The following RALGPS2 variants were observed in gnomAD, a reference collection of about 807,000 sequenced individuals.
The protein encoded by RALGPS2 is ras-specific guanine nucleotide-releasing factor RalGPS2.
In RALGPS2, 43 loss-of-function variants were observed where a neutral mutation model predicts 86.8. The ratio of observed to expected loss-of-function variants is 0.50; its 90% CI spans 0.39 to 0.64. The LOEUF is 0.64. Among genes scored for constraint, RALGPS2 ranks in the 30% least tolerant of loss-of-function variants. The probability of loss-of-function intolerance (pLI) is 0.00; values close to 1 mark genes in which losing one functional copy is unlikely to be tolerated. For synonymous variants in RALGPS2, 243 were observed against 231.3 expected, an observed-to-expected ratio of 1.05 and a Z score of -0.46; for missense variants, 536 against 694.6, an observed-to-expected ratio of 0.77 and a Z score of 2.57.
chr1:178,799,366 A>C (rs1322681932), intron 4 of RALGPS2, among the ~76,000 whole-genome samples: 2 of 151,534 alleles, frequency 1.3e-5, no homozygotes, highest in Non-Finnish European at 2.9e-5. Flanking sequence ...AAAGTGTCCT[A>C]CTCTGGAAAA....
In RALGPS2 at chr1:178,788,828, G is replaced by C. The variant is rs202101615; in HGVS notation, c.213+3221G>C. 4.4e-3 allele frequency among the ~76,000 whole-genome samples: 544 copies of C among 122,382 alleles called. 1 individual carries two copies. The highest frequency in any genetic ancestry group is 0.015 in the African/African-American group (484 of 31,552). 80.3% of individuals were successfully genotyped at this position (122,382 alleles called of 152,430 possible). Reference sequence around the variant, plus strand: ...TCTTTCTTTTCTTTTCTTTTCTTTTGTTTTCTTTCTTTCTTTCTTTTCTTT... The same window carrying C: ...TCTTTCTTTTCTTTTCTTTTCTTTTCTTTTCTTTCTTTCTTTCTTTTCTTT... On this transcript the variant is annotated intron_variant, in intron 4 of 19. Coordinates refer to ENST00000367635, the MANE Select transcript of RALGPS2 (RefSeq NM_152663.5).
At chr1:178,860,124 A>G (rs931215470) in intron 8 of RALGPS2, among the ~76,000 whole-genome samples, 5 of 152,070 alleles carry the variant, frequency 3.3e-5, no homozygotes, top group Non-Finnish European at 7.4e-5. Context: ...AACTTTCTCC[A>G]CTCAGCTCTC....
At chr1:178,842,862 C>CAA (rs1656659540) in intron 8 of RALGPS2, among the ~76,000 whole-genome samples, 1 of 147,386 alleles carries the variant, frequency 6.8e-6, no homozygotes, top group Non-Finnish European at 1.5e-5. Context: ...AGACACTTCT[C>CAA]AAAAGAAGAC....
At chr1:178,879,251 T>A (rs1452764207) in intron 10 of RALGPS2, 2 of 300,478 alleles carry the variant, frequency 6.7e-6, no homozygotes, top group Non-Finnish European at 1.1e-5. Flanking sequence ...TAATTTAAAT[T>A]TCTTCCTTTC....
intron 13 of RALGPS2, among the ~76,000 whole-genome samples, chr1:178,887,906 G>A (rs898324974): frequency 1.3e-5 from 2 of 152,072 alleles, no homozygotes; most frequent in African/African-American, 2.4e-5. Context: ...TTTTCTACAC[G>A]TCCATGGAAT....
At chr1:178,911,181 T>C (rs948165321) in intron 19 of RALGPS2, among the ~76,000 whole-genome samples, 2 of 151,050 alleles carry the variant, frequency 1.3e-5, no homozygotes, top group African/African-American at 2.5e-5. Context: ...TCTATCGATC[T>C]TGTTTTTTCT....
intron 1 of RALGPS2, among the ~76,000 whole-genome samples, chr1:178,773,795 C>CAA (rs35536351): frequency 3.7e-5 from 4 of 108,760 alleles, no homozygotes; most frequent in Admixed American, 9.8e-5. Context: ...GACTCCGTCT[C>CAA]AAAAAAAAAA....
intron 4 of RALGPS2, among the ~76,000 whole-genome samples, chr1:178,792,458 T>C (rs1653999885): frequency 6.6e-6 from 1 of 152,176 alleles, no homozygotes; most frequent in African/African-American, 2.4e-5. Context: ...TGAAGCATAT[T>C]TATTGAAAGA....
chr1:178,761,892 G>A (rs1439675207), intron 1 of RALGPS2, among the ~76,000 whole-genome samples: 2 of 152,008 alleles, frequency 1.3e-5, no homozygotes, highest in South Asian at 2.1e-4. Context: ...TTTAGGGTCC[G>A]GGGTATTTGT....
At chr1:178,769,774 C>T (rs1652694215) in intron 1 of RALGPS2, among the ~76,000 whole-genome samples, 1 of 152,184 alleles carries the variant, frequency 6.6e-6, no homozygotes, top group South Asian at 2.1e-4. Context: ...TGGGGGAAAG[C>T]ACAGTTCCAA....
intron 7 of RALGPS2, among the ~76,000 whole-genome samples, chr1:178,826,534 G>A (rs1011497504): frequency 6.6e-6 from 1 of 152,126 alleles, no homozygotes. Context: ...AATCTAGATT[G>A]ATGGTTGCCA....
intron 8 of RALGPS2, chr1:178,851,362 T>A (rs1391254044): frequency 6.6e-7 from 1 of 1,513,776 alleles, no homozygotes; most frequent in Non-Finnish European, 8.9e-7. Flanking sequence ...TTCTTCTAGG[T>A]GTGGTACTCT....
In RALGPS2 at chr1:178,810,366, A is replaced by T. The variant is rs1654918598; in HGVS notation, c.298-949A>T. Among the ~76,000 whole-genome samples the T allele has an allele frequency of 2.0e-5, 3 of 152,160 alleles. No individual in the cohort carries two copies. The South Asian group carries it at 6.2e-4, about 32-fold the overall frequency. On this transcript the variant is annotated intron_variant, in intron 5 of 19. Coordinates refer to ENST00000367635, the MANE Select transcript of RALGPS2 (RefSeq NM_152663.5). ...CACCCCACTACACTCCAGCCTGGGC[A>T]ACAGAACAAGACTCTGTCTCCAAAA...
chr1:178,816,967 C>G (rs1655260191), intron 6 of RALGPS2, among the ~76,000 whole-genome samples: 1 of 151,966 alleles, frequency 6.6e-6, no homozygotes, highest in African/African-American at 2.4e-5. Context: ...CTCGGCATCC[C>G]AAAGTCCTGG....
intron 7 of RALGPS2, among the ~76,000 whole-genome samples, chr1:178,832,480 G>C (rs1035349748): frequency 7.9e-5 from 12 of 152,114 alleles, no homozygotes; most frequent in African/African-American, 2.9e-4. Context: ...GTGGGTAACA[G>C]AGAGTATTAT....
intron 1 of RALGPS2, among the ~76,000 whole-genome samples, chr1:178,728,261 A>G: frequency 6.6e-6 from 1 of 152,164 alleles, no homozygotes; most frequent in East Asian, 1.9e-4. Flanking sequence ...CTGTGAGTGA[A>G]CCAATTCCTT....
At chr1:178,882,592 A>G (rs1340951596) in intron 10 of RALGPS2, among the ~76,000 whole-genome samples, 1 of 152,222 alleles carries the variant, frequency 6.6e-6, no homozygotes, top group Non-Finnish European at 1.5e-5. Flanking sequence ...AATTTTAGTC[A>G]GTAGAATACT....
chr1:178,797,461 T>G (rs937807890), intron 4 of RALGPS2, among the ~76,000 whole-genome samples: 7 of 152,164 alleles, frequency 4.6e-5, no homozygotes, highest in African/African-American at 1.7e-4. Context: ...CGGTGCAATT[T>G]TAGCTTCATA....
At chr1:178,817,039 G>A (rs1212795904) in intron 6 of RALGPS2, among the ~76,000 whole-genome samples, 1 of 151,840 alleles carries the variant, frequency 6.6e-6, no homozygotes, top group Non-Finnish European at 1.5e-5. Context: ...GGAAGGTGTA[G>A]GAGTTAAGGT....
Sources: allele counts gnomAD v4.1 joint callset (sites outside exome capture counted in the v4.1 genomes callset), GRCh38; gene constraint gnomAD v4.1.1; transcripts MANE v1.5; gene names NCBI Gene and HGNC (gene_info 2026-07-23, HGNC 2026-07-21).